The following FAS variants were observed in gnomAD, a reference collection of about 807,000 sequenced individuals.
FAS encodes tumor necrosis factor receptor superfamily member 6.
FAS carries 5 observed loss-of-function variants against 33.2 expected under a neutral mutation model. The ratio of observed to expected loss-of-function variants is 0.15; its 90% CI spans 0.08 to 0.32. The LOEUF is 0.32. Ranked by LOEUF, FAS falls within the 10% of genes least tolerant of loss-of-function variation. The probability of loss-of-function intolerance (pLI) is 1.00; values close to 1 mark genes in which losing one functional copy is unlikely to be tolerated. For synonymous variants in FAS, 131 were observed against 130.7 expected (o/e 1.00, Z -0.01); for missense variants, 339 against 386.0 (o/e 0.88, Z 1.02).
chr10:88,990,489 C>T (rs992028982), upstream of FAS: 3 of 562,112 alleles, frequency 5.3e-6, no homozygotes, highest in Non-Finnish European at 1.0e-5. The surrounding 1 kb of genome is among the most constrained non-coding windows in gnomAD (Gnocchi z 4.9). Context: ...CCCATTTGTG[C>T]AACGAACCCT....
chr10:88,973,567 TCCC>T (rs1846496895), intron 2 of FAS: 1 of 324,706 alleles, frequency 3.1e-6, no homozygotes, highest in African/African-American at 2.1e-5. Flanking sequence ...TGTCACCACT[TCCC>T]ATTCCCCAAA....
chr10:89,013,738 G>A (rs1306332531), intron 8 of FAS, among the ~76,000 whole-genome samples: 2 of 152,134 alleles, frequency 1.3e-5, no homozygotes, highest in Non-Finnish European at 2.9e-5. Flanking sequence ...CCATTCAGTT[G>A]TTCTTTGATC....
chr10:88,989,236 A>C (rs559986947), upstream of FAS, among the ~76,000 whole-genome samples: 212 of 152,190 alleles, frequency 1.4e-3, 4 homozygotes, highest in Non-Finnish European at 7.1e-4. Context: ...AGAGATACTG[A>C]TTTTGTCAAT....
chr10:88,975,637 G>C (rs778541822), intron 2 of FAS, among the ~76,000 whole-genome samples: 1 of 151,722 alleles, frequency 6.6e-6, no homozygotes, highest in Admixed American at 6.6e-5. Flanking sequence ...TTCCATGAGA[G>C]TAGGATTTTT....
At chr10:89,008,020 A>T (rs1848332764) in intron 3 of FAS, among the ~76,000 whole-genome samples, 183 bp downstream of exon 3, 1 of 152,198 alleles carries the variant, frequency 6.6e-6, no homozygotes, top group Non-Finnish European at 1.5e-5. Flanking sequence ...GACCTTTATG[A>T]GTAAGTCTAG....
chr10:89,005,182 G>A (rs1407232265), intron 2 of FAS, among the ~76,000 whole-genome samples: 1 of 149,222 alleles, frequency 6.7e-6, no homozygotes, highest in African/African-American at 2.5e-5. Context: ...ACGAAGGGAG[G>A]GAGGGAGGGA....
intron 1 of FAS, among the ~76,000 whole-genome samples, chr10:89,000,883 CTAAAAATA>C (rs1847886918): frequency 6.8e-6 from 1 of 147,902 alleles, no homozygotes; most frequent in Non-Finnish European, 1.5e-5. Context: ...GCCGTCTCTA[CTAAAAATA>C]CAAAAAATTA....
chr10:88,993,271 T>G (rs190609320), intron 1 of FAS, among the ~76,000 whole-genome samples: 51 of 151,740 alleles, frequency 3.4e-4, no homozygotes, highest in Non-Finnish European at 5.6e-4. Flanking sequence ...CAAACTTACT[T>G]TACAAATTAA....
chr10:88,988,009 G>T (rs1361686320), upstream of FAS, among the ~76,000 whole-genome samples: 1 of 152,086 alleles, frequency 6.6e-6, no homozygotes, highest in East Asian at 1.9e-4. Context: ...GACGGCCTTT[G>T]GACTTGAACT....
At chr10:88,991,336 G>A (rs781501653) in intron 1 of FAS, 11 of 327,814 alleles carry the variant, frequency 3.4e-5, no homozygotes, top group Admixed American at 9.3e-5. Flanking sequence ...CCAAGCCAAA[G>A]GTCCGCTCCG....
intron 2 of FAS, chr10:88,973,758 TAACAG>T (rs1846500579): frequency 6.5e-6 from 1 of 152,992 alleles, no homozygotes; most frequent in Admixed American, 6.5e-5. Context: ...GGCCAAATAT[TAACAG>T]GTATATATAT....
At position 88,972,547 on chromosome 10, in the gene FAS, T is replaced by C. The variant is rs71479007; in HGVS notation, n.95-635T>C. Among the ~76,000 whole-genome samples, 15 of 152,328 alleles carry C rather than the reference T, an allele frequency of 9.8e-5. No homozygotes were observed. In the South Asian group the frequency reaches 2.5e-3, roughly 25 times the overall value. Reference sequence around the variant, plus strand: ...TTCTCTCCTGCCTTCTTTTATATTGTTTAATTTTTTTTCTAAATTTCATTG... The same window carrying C: ...TTCTCTCCTGCCTTCTTTTATATTGCTTAATTTTTTTTCTAAATTTCATTG... On this transcript the variant is annotated intron_variant and non_coding_transcript_variant, in intron 1 of 3. Coordinates refer to the FAS transcript ENST00000688239.
chr10:88,989,624 T>G (rs1271673666), upstream of FAS: 2 of 527,234 alleles, frequency 3.8e-6, no homozygotes, highest in Non-Finnish European at 7.5e-6. Flanking sequence ...TGGAAAGCCC[T>G]CAGGAGGGTA....
At chr10:88,979,581 A>T (rs1226276011) in intron 2 of FAS, among the ~76,000 whole-genome samples, 2 of 151,244 alleles carry the variant, frequency 1.3e-5, no homozygotes, top group Non-Finnish European at 2.9e-5. Context: ...GTTCTCTCTC[A>T]CTCTCCCTCT....
intron 2 of FAS, among the ~76,000 whole-genome samples, chr10:88,976,481 T>C (rs1846567660): frequency 6.6e-6 from 1 of 152,244 alleles, no homozygotes; most frequent in Non-Finnish European, 1.5e-5. Context: ...ATTAGTACAT[T>C]AATTACATTT....
chr10:88,970,274 C>T (rs764757250), intron 1 of FAS, among the ~76,000 whole-genome samples: 11 of 152,196 alleles, frequency 7.2e-5, no homozygotes, highest in Non-Finnish European at 1.3e-4. Flanking sequence ...TCTTCAATCT[C>T]TCCCTTGTAT....
At position 89,015,775 on chromosome 10, in the gene FAS, T is replaced by C. The variant is rs749719973; in HGVS notation, c.*1325T>C. 2 of 480,824 alleles carry C rather than the reference T, an allele frequency of 4.2e-6. No homozygotes were observed. Among genetic ancestry groups the C allele is most frequent in the South Asian group, 3.8e-5 (2 of 52,732 alleles). 29.8% of individuals were successfully genotyped at this position (480,824 alleles called of 1,614,324 possible). ...TAGGTAAAAGTACGTAATTAAATAA[T>C]GTTTTTGGTATTTCTGGTTTTCTCT... On this transcript the variant is annotated 3_prime_UTR_variant, in exon 9 of 9. Coordinates refer to ENST00000652046, the MANE Select transcript of FAS (RefSeq NM_000043.6).
chr10:88,998,433 G>C (rs1847731519), intron 1 of FAS, among the ~76,000 whole-genome samples: 1 of 151,516 alleles, frequency 6.6e-6, no homozygotes, highest in African/African-American at 2.4e-5. Flanking sequence ...AAATACAAGA[G>C]CTCTGGAAGT....
intron 2 of FAS, among the ~76,000 whole-genome samples, chr10:89,006,232 T>C (rs1472857531): frequency 1.3e-5 from 2 of 152,220 alleles, no homozygotes; most frequent in African/African-American, 2.4e-5. Context: ...AATAAAATTA[T>C]ACTTGGACTT....
Sources: allele counts gnomAD v4.1 joint callset (sites outside exome capture counted in the v4.1 genomes callset), GRCh38; gene constraint gnomAD v4.1.1; non-coding constraint Gnocchi (gnomAD v3.1); transcripts MANE v1.5; gene names NCBI Gene and HGNC (gene_info 2026-07-23, HGNC 2026-07-21).